The following FBN1 variants were observed in gnomAD, a reference collection of about 807,000 sequenced individuals.
FBN1 encodes fibrillin 1.
A neutral mutation model predicts 365.1 loss-of-function variants in FBN1; 29 were observed. That is an observed-to-expected ratio of 0.08 (90% CI 0.06 to 0.11). The LOEUF is 0.11. FBN1 is among the 10% of genes least tolerant of loss of function. The pLI is 1.00. For synonymous variants in FBN1, 1,210 were observed against 1,270.5 expected (o/e 0.95, Z 1.01); for missense variants, 2,476 against 3,703.2 (o/e 0.67, Z 8.60).
At chr15:48,623,533 A>G (rs143594861) in intron 2 of FBN1, among the ~76,000 whole-genome samples, 15 of 152,374 alleles carry the variant, frequency 9.8e-5, no homozygotes, top group African/African-American at 3.6e-4. Context: ...TCTTTGGCAA[A>G]AGAAGAAAAA....
intron 47 of FBN1, 123 bp from the exon 48 acceptor site, chr15:48,445,627 C>A: frequency 1.9e-6 from 2 of 1,046,750 alleles, no homozygotes; most frequent in Non-Finnish European, 2.9e-6. Flanking sequence ...CTGGCTTAGC[C>A]AAACAAGAAA....
intron 24 of FBN1, among the ~76,000 whole-genome samples, chr15:48,491,602 C>T (rs920447385): frequency 6.6e-6 from 1 of 152,214 alleles, no homozygotes; most frequent in Admixed American, 6.5e-5. Context: ...CCACCTGCCT[C>T]GGCCTCCCGA....
chr15:48,605,873 T>TA (rs576478500), intron 4 of FBN1, among the ~76,000 whole-genome samples: 21 of 152,152 alleles, frequency 1.4e-4, no homozygotes, highest in African/African-American at 4.8e-4. Context: ...AGACCCCGTC[T>TA]AAAAAAATTA....
chr15:48,479,816 A>T (rs1420552094), intron 32 of FBN1, among the ~76,000 whole-genome samples: 1 of 152,204 alleles, frequency 6.6e-6, no homozygotes, highest in African/African-American at 2.4e-5. Context: ...TCCTTCTTTA[A>T]ACTGAGTTCA....
intron 43 of FBN1, among the ~76,000 whole-genome samples, chr15:48,457,620 T>A (rs2043251195): frequency 6.6e-6 from 1 of 152,094 alleles, no homozygotes; most frequent in South Asian, 2.1e-4. Context: ...CACTCTGAAC[T>A]CCTGACCACT....
chr15:48,487,586 T>TC, intron 27 of FBN1, 149 bp from the exon 28 acceptor site: 1 of 1,156,500 alleles, frequency 8.6e-7, no homozygotes, highest in Non-Finnish European at 1.3e-6. Flanking sequence ...ACACCAGATC[T>TC]CCCTGCAGGA....
intron 2 of FBN1, among the ~76,000 whole-genome samples, chr15:48,623,408 C>G (rs1889807652): frequency 1.3e-5 from 2 of 152,228 alleles, no homozygotes; most frequent in African/African-American, 4.8e-5. Context: ...TTAACTTATT[C>G]TGATCAGTGA....
At chr15:48,568,573 A>C (rs2140668085) in intron 6 of FBN1, among the ~76,000 whole-genome samples, 1 of 152,188 alleles carries the variant, frequency 6.6e-6, no homozygotes, top group African/African-American at 2.4e-5. Context: ...AAGAAGAATA[A>C]AGTTGGAGGA....
chr15:48,575,036 T>C (rs1226123815), intron 6 of FBN1, among the ~76,000 whole-genome samples: 1 of 151,988 alleles, frequency 6.6e-6, no homozygotes. Context: ...TAAAAACGGG[T>C]TCCAGAAGGG....
intron 53 of FBN1, among the ~76,000 whole-genome samples, chr15:48,435,693 T>TGC (rs1597524639): frequency 2.7e-5 from 4 of 145,944 alleles, no homozygotes; most frequent in Admixed American, 6.9e-5. Context: ...TGTGTGTGCA[T>TGC]GTGTGTGTGT....
At chr15:48,462,316 T>TA (rs1262568459) in intron 42 of FBN1, among the ~76,000 whole-genome samples, 7 of 151,470 alleles carry the variant, frequency 4.6e-5, no homozygotes, top group Admixed American at 2.6e-4. Flanking sequence ...AACAGTACAC[T>TA]AATGTCTTTA....
chr15:48,419,624 C>T (rs908406416), intron 63 of FBN1, among the ~76,000 whole-genome samples: 4 of 152,154 alleles, frequency 2.6e-5, no homozygotes, highest in African/African-American at 7.2e-5. Context: ...CCCTACATGC[C>T]ACTGCAAAAC....
chr15:48,473,664 A>AATG (rs1410783319), intron 34 of FBN1, among the ~76,000 whole-genome samples: 1 of 152,080 alleles, frequency 6.6e-6, no homozygotes, highest in Non-Finnish European at 1.5e-5. Flanking sequence ...TGATGACGAT[A>AATG]ATGATGATGA....
In FBN1 at chr15:48,513,487, T is replaced by C. The variant is rs1361646461; in HGVS notation, c.1588+62A>G. 19 of 1,613,166 alleles carry C rather than the reference T, an allele frequency of 1.2e-5. No individual in the cohort carries two copies. The South Asian group carries it at 1.5e-4, about 13-fold the overall frequency. On this transcript the variant is annotated intron_variant, in intron 13 of 65. Coordinates refer to ENST00000316623, the MANE Select transcript of FBN1 (RefSeq NM_000138.5). Reference sequence around the variant, plus strand: ...GTTATTTAAACTCCATGGAACTCCTTTGAAGCCAACCCCCAGTTAGCATAT... The same window carrying C: ...GTTATTTAAACTCCATGGAACTCCTCTGAAGCCAACCCCCAGTTAGCATAT...
chr15:48,520,725 C>T lies in FBN1; in HGVS notation c.1081G>A (p.Asp361Asn). Residue 361 changes from aspartate to asparagine, a missense_variant, in exon 10 of 66, where the codon GAT (aspartate) becomes AAT (asparagine). Coordinates refer to ENST00000316623, the MANE Select transcript of FBN1 (RefSeq NM_000138.5). Reference protein sequence around the residue: ...QSITKMQCCCDAGRCWSPGVT... With the variant: ...QSITKMQCCCNAGRCWSPGVT... ...CCTGGAGACCAGCATCGGCCGGCAT[C>T]ACAGCAGCACTGCATTTTGGTTATG... The T allele has an allele frequency of 6.2e-7, 1 of 1,614,194 alleles. No homozygotes were observed. The highest frequency in any genetic ancestry group is 8.5e-7 in the Non-Finnish European group (1 of 1,180,042).
intron 6 of FBN1, among the ~76,000 whole-genome samples, chr15:48,547,189 C>G (rs1167883839): frequency 1.3e-5 from 2 of 152,082 alleles, no homozygotes; most frequent in East Asian, 3.8e-4. Context: ...TGTGAGCAAG[C>G]ATTTACTCCT....
In FBN1 at chr15:48,410,984, G is replaced by A; in HGVS notation, c.*6C>T. Reference sequence around the variant, plus strand: ...TCTTTTAATTATTTGGTCTCTGGATGGTGAATTAATGAAGCAAAACCTGGA... The same window carrying A: ...TCTTTTAATTATTTGGTCTCTGGATAGTGAATTAATGAAGCAAAACCTGGA... On this transcript the variant is annotated 3_prime_UTR_variant, in exon 66 of 66. Transcript: ENST00000316623. 6.2e-7 allele frequency: 1 copy of A among 1,612,228 alleles called. No individual in the cohort carries two copies. The highest frequency in any genetic ancestry group is 8.5e-7 in the Non-Finnish European group (1 of 1,179,420).
At chr15:48,615,810 A>C (rs543135312) in intron 2 of FBN1, among the ~76,000 whole-genome samples, 1 of 152,336 alleles carries the variant, frequency 6.6e-6, no homozygotes, top group Non-Finnish European at 1.5e-5. Context: ...CCCATCTTTC[A>C]AAGCAAGAAA....
rs545943690 is a variant in FBN1 at position 48,619,249 on chromosome 15, C to G, written c.165-6157G>C. On this transcript the variant is annotated intron_variant, in intron 2 of 65. Coordinates refer to ENST00000316623, the MANE Select transcript of FBN1 (RefSeq NM_000138.5). ...TGGCTTCCTCCTTTGAGGATGCAAGCCAGCCAACCACTCTAACTTACTTTG... is the reference window on the plus strand; with the variant it reads ...TGGCTTCCTCCTTTGAGGATGCAAGGCAGCCAACCACTCTAACTTACTTTG... Among the ~76,000 whole-genome samples, 5 of 152,270 alleles carry G rather than the reference C, an allele frequency of 3.3e-5. No individual in the cohort carries two copies. In the East Asian group the frequency reaches 7.7e-4, roughly 24 times the overall value.
Sources: allele counts gnomAD v4.1 joint callset (sites outside exome capture counted in the v4.1 genomes callset), GRCh38; gene constraint gnomAD v4.1.1; transcripts MANE v1.5; gene names NCBI Gene and HGNC (gene_info 2026-07-23, HGNC 2026-07-21).